ANKDD1A: variants seen among roughly 807,000 people sequenced by gnomAD.
The protein encoded by ANKDD1A is ankyrin repeat and death domain-containing protein 1A.
ANKDD1A carries 59 observed loss-of-function variants against 63.5 expected under a neutral mutation model. The observed-to-expected ratio is 0.93, with a 90% CI of 0.75 to 1.15. ANKDD1A has a LOEUF of 1.15. Ranked by LOEUF, ANKDD1A falls within the 50% of genes most tolerant of loss-of-function variation. ANKDD1A has a pLI of 0.00. For synonymous variants in ANKDD1A, 266 were observed against 263.9 expected (o/e 1.01, Z -0.08); for missense variants, 632 against 656.4 (o/e 0.96, Z 0.41).
At chr15:64,926,033 A>G (rs1216561594) in intron 4 of ANKDD1A, 33 bp from the exon 5 acceptor site, 1 of 1,591,020 alleles carries the variant, frequency 6.3e-7, no homozygotes, top group South Asian at 1.1e-5. Context: ...CTCCCTTCAC[A>G]GACTGCAGGA....
intron 14 of ANKDD1A, among the ~76,000 whole-genome samples, chr15:64,954,832 T>A (rs1380622198): frequency 6.9e-6 from 1 of 145,372 alleles, no homozygotes; most frequent in Non-Finnish European, 1.5e-5. Context: ...TTCTTTTTGT[T>A]GTTCTTTCTT....
chr15:64,945,607 CA>C (rs376999049), intron 12 of ANKDD1A, among the ~76,000 whole-genome samples: 3,966 of 73,882 alleles, frequency 0.054, 237 homozygotes, highest in South Asian at 0.18. Context: ...GCATTTTCAA[CA>C]TATATATATA....
At chr15:64,943,343 G>A in intron 10 of ANKDD1A, 141 bp from the exon 11 acceptor site, 1 of 721,440 alleles carries the variant, frequency 1.4e-6, no homozygotes, top group East Asian at 2.5e-5. Flanking sequence ...TCTCATGTAT[G>A]TAAAACCAAC....
intron 9 of ANKDD1A, among the ~76,000 whole-genome samples, chr15:64,934,606 T>C (rs2085113709): frequency 6.6e-6 from 1 of 150,756 alleles, no homozygotes; most frequent in Admixed American, 6.6e-5. Flanking sequence ...TTCAAGCAAT[T>C]CTCCTGCCTC....
intron 9 of ANKDD1A, among the ~76,000 whole-genome samples, chr15:64,941,326 C>A (rs1208128510): frequency 6.6e-6 from 1 of 152,028 alleles, no homozygotes; most frequent in Non-Finnish European, 1.5e-5. Context: ...TAACTGAATA[C>A]CATAGACTGG....
At chr15:64,951,564 C>CTGCTTTCTTCTTTT in intron 14 of ANKDD1A, 1 of 122,692 alleles carries the variant, frequency 8.2e-6, no homozygotes, top group South Asian at 2.4e-4. Context: ...CTTTCTTTTT[C>CTGCTTTCTTCTTTT]TTTTCTTTCT....
intron 14 of ANKDD1A, among the ~76,000 whole-genome samples, chr15:64,951,668 CTT>C (rs1305549230): frequency 5.7e-5 from 2 of 34,978 alleles, no homozygotes; most frequent in Admixed American, 4.8e-4. Flanking sequence ...TCTTCTTTTT[CTT>C]TCTTTCCTTC....
intron 6 of ANKDD1A, among the ~76,000 whole-genome samples, chr15:64,930,523 C>T (rs1038372192): frequency 6.6e-6 from 1 of 152,166 alleles, no homozygotes; most frequent in Admixed American, 6.5e-5. Flanking sequence ...GGGAGAGTTG[C>T]TGGGGCCTTG....
At chr15:64,926,036 C>T in intron 4 of ANKDD1A, 30 bp from the exon 5 acceptor site, 2 of 1,589,342 alleles carry the variant, frequency 1.3e-6, no homozygotes, top group Non-Finnish European at 1.7e-6. Flanking sequence ...CCTTCACAGA[C>T]TGCAGGAACC....
At chr15:64,914,500 C>A (rs1355539784) in intron 1 of ANKDD1A, among the ~76,000 whole-genome samples, 1 of 152,196 alleles carries the variant, frequency 6.6e-6, no homozygotes, top group Non-Finnish European at 1.5e-5. Flanking sequence ...TGCTTTTTAG[C>A]CCAGGCTGGT....
At chr15:64,925,975 G>A in intron 4 of ANKDD1A, 91 bp from the exon 5 acceptor site, 1 of 1,165,734 alleles carries the variant, frequency 8.6e-7, no homozygotes, top group East Asian at 2.6e-5. Context: ...CTGTGTTCTG[G>A]GTCCCAAACA....
At chr15:64,916,951 C>T (rs575718783) in intron 2 of ANKDD1A, among the ~76,000 whole-genome samples, 5 of 152,176 alleles carry the variant, frequency 3.3e-5, no homozygotes, top group Non-Finnish European at 5.9e-5. Flanking sequence ...GGGACAGAAC[C>T]CAGGCACTCC....
chr15:64,924,345 A>C (rs2085030303), intron 4 of ANKDD1A, among the ~76,000 whole-genome samples: 1 of 152,268 alleles, frequency 6.6e-6, no homozygotes, highest in Admixed American at 6.5e-5. Flanking sequence ...TATCACCTCC[A>C]TTGCATTCAA....
At chr15:64,936,019 G>C (rs1373386168) in intron 9 of ANKDD1A, among the ~76,000 whole-genome samples, 3 of 152,110 alleles carry the variant, frequency 2.0e-5, no homozygotes, top group African/African-American at 7.2e-5. Context: ...AAGCTGCTTT[G>C]ACCTATTTGG....
At chr15:64,954,311 CT>C (rs2085380295) in intron 14 of ANKDD1A, among the ~76,000 whole-genome samples, 1 of 29,230 alleles carries the variant, frequency 3.4e-5, no homozygotes, top group Non-Finnish European at 1.6e-4. Flanking sequence ...TTCTCCTTCT[CT>C]TCCTTCTTAG....
chr15:64,920,049 C>T (rs1216859724), intron 3 of ANKDD1A: 1 of 152,230 alleles, frequency 6.6e-6, no homozygotes, highest in Non-Finnish European at 1.5e-5. Context: ...AGTTCCCTCC[C>T]TAAGAGGAAT....
At chr15:64,922,086 G>A (rs1174240599) in intron 4 of ANKDD1A, 67 bp downstream of exon 4, 17 of 1,408,782 alleles carry the variant, frequency 1.2e-5, no homozygotes, top group Non-Finnish European at 1.4e-5. Context: ...GGTCTCCCCC[G>A]ACCTCTGTCC....
At chr15:64,922,154 T>C in intron 4 of ANKDD1A, 135 bp downstream of exon 4, 2 of 689,656 alleles carry the variant, frequency 2.9e-6, no homozygotes, top group African/African-American at 1.8e-5. Flanking sequence ...CTCTTTCATC[T>C]GATCTCCCCC....
chr15:64,942,479 C>T lies in ANKDD1A; in HGVS notation c.880C>T (p.Pro294Ser), dbSNP rs536800029. 6 of 1,612,690 alleles carry T rather than the reference C, an allele frequency of 3.7e-6. No individual in the cohort carries two copies. In the African/African-American group the frequency reaches 6.7e-5, roughly 18 times the overall value. Reference sequence around the variant, plus strand: ...TCTCCTCCCACAGCAGGGTGCCTCTCCTCTGCACCTCGCTGTGAGGCACAA... The same window carrying T: ...TCTCCTCCCACAGCAGGGTGCCTCTTCTCTGCACCTCGCTGTGAGGCACAA... The part of the protein sequence containing the change: ...ANVVDHQGAS[P>S]LHLAVRHNFP... The change falls in exon 10 of 15, where the codon CCT (proline) becomes TCT (serine). Residue 294 changes from proline to serine, a missense_variant. Pro to Ser is a moderately conservative substitution (Grantham distance 74). Transcript: ENST00000319580.
Sources: allele counts gnomAD v4.1 joint callset (sites outside exome capture counted in the v4.1 genomes callset), GRCh38; gene constraint gnomAD v4.1.1; transcripts MANE v1.5; gene names NCBI Gene and HGNC (gene_info 2026-07-23, HGNC 2026-07-21).